The following RAC2 variants were observed in gnomAD, a reference collection of about 807,000 sequenced individuals.
The protein encoded by RAC2 is Rac family small GTPase 2, also known as ras-related C3 botulinum toxin substrate 2.
RAC2 carries 1 observed loss-of-function variant against 24.0 expected under a neutral mutation model. The observed-to-expected ratio is 0.04, with a 90% confidence interval of 0.01 to 0.20. The LOEUF (loss-of-function observed/expected upper bound fraction) is 0.20. Ranked by LOEUF, RAC2 falls within the 10% of genes least tolerant of loss-of-function variation. The probability of loss-of-function intolerance (pLI) is 1.00; values close to 1 mark genes in which losing one functional copy is unlikely to be tolerated. For missense variants in RAC2, 130 were observed against 259.1 expected, an observed-to-expected ratio of 0.50 and a Z score of 3.42; for synonymous variants, 114 against 106.8, an observed-to-expected ratio of 1.07 and a Z score of -0.41.
In RAC2 at chr22:37,231,968, G is replaced by A. The variant is rs2230919; in HGVS notation, c.252C>T (p.Leu84=). 4.3e-3 allele frequency: 6,624 copies of A among 1,552,320 alleles called. 123 individuals are homozygous for A. The African/African-American group carries it at 0.061, about 14-fold the overall frequency. The part of the protein sequence containing the change: ...QTDVFLICFS[L]VSPASYENVR... ...CGTTCTCATAAGAGGCTGGGCTGAC[G>A]AGGGAGAAGCAGATGAGGAAGACGT... The change falls in exon 4 of 7, where the codon CTC becomes CTT. Residue 84 remains leucine, a synonymous_variant. Coordinates refer to ENST00000249071, the MANE Select transcript of RAC2 (RefSeq NM_002872.5). This position sits in a 1 kb window ranked among gnomAD's most constrained non-coding sequence, Gnocchi z 5.5.
Position 37,226,765 on chromosome 22 carries a change from T to G in RAC2, c.487A>C (p.Arg163=). 1 of 1,613,086 alleles carries G rather than the reference T, an allele frequency of 6.2e-7. No homozygotes were observed. Among genetic ancestry groups the G allele is most frequent in the Non-Finnish European group, 8.5e-7 (1 of 1,179,572 alleles). ...TCGTCGAACACGGTTTTCAGGCCTCTCTGGGTGAGAGCTGAGCACTCCAGG... is the reference window on the plus strand; with the variant it reads ...TCGTCGAACACGGTTTTCAGGCCTCGCTGGGTGAGAGCTGAGCACTCCAGG... The part of the protein sequence containing the change: ...KYLECSALTQ[R]GLKTVFDEAI... The change falls in exon 6 of 7, where the codon AGA becomes CGA. Residue 163 remains arginine (R), a synonymous_variant. Transcript: ENST00000249071.
chr22:37,241,492 C>T (rs992321923), intron 2 of RAC2, 95 bp downstream of exon 2: 3 of 1,322,844 alleles, frequency 2.3e-6, no homozygotes, highest in African/African-American at 1.5e-5. Context: ...GGTGCCCACA[C>T]AGGGTCTGGC....
At chr22:37,236,589 T>C (rs1927229601) in intron 2 of RAC2, among the ~76,000 whole-genome samples, 1 of 152,068 alleles carries the variant, frequency 6.6e-6, no homozygotes, top group Non-Finnish European at 1.5e-5. Context: ...GCAGAGACCA[T>C]GTTTTCATCT....
At chr22:37,235,886 A>G (rs1275139469) in intron 2 of RAC2, among the ~76,000 whole-genome samples, 1 of 152,176 alleles carries the variant, frequency 6.6e-6, no homozygotes, top group Non-Finnish European at 1.5e-5. Context: ...GAGAAGCAAC[A>G]GCCACCTTCT....
At chr22:37,227,529 C>T (rs187673231) in intron 5 of RAC2, among the ~76,000 whole-genome samples, 6 of 76,506 alleles carry the variant, frequency 7.8e-5, no homozygotes, top group East Asian at 8.2e-4. Flanking sequence ...CCCTCCCACG[C>T]CATACACCCC....
chr22:37,240,820 A>C, intron 2 of RAC2: 2 of 573,700 alleles, frequency 3.5e-6, no homozygotes, highest in South Asian at 4.4e-5. Flanking sequence ...TGTGGGGAGA[A>C]AAAGCACTAT....
At position 37,244,211 on chromosome 22, in the gene RAC2, G is replaced by A. The variant is rs1276066671; in HGVS notation, c.-63C>T. ...CAGGGCCAGGCGCGTTTCTGCGGGC[G>A]CAAGGGGTGTGGAGGCTGGTGAGGC... is the stretch of plus-strand genomic sequence containing the variant. On this transcript the variant is annotated 5_prime_UTR_variant, in exon 1 of 7. Coordinates refer to ENST00000249071, the MANE Select transcript of RAC2 (RefSeq NM_002872.5). 14 of 1,595,570 alleles carry A rather than the reference G, an allele frequency of 8.8e-6. No individual in the cohort carries two copies. The highest frequency in any genetic ancestry group is 4.6e-5 in the East Asian group (2 of 43,830).
At chr22:37,240,889 GCGAA>G (rs1927367133) in intron 2 of RAC2, 2 of 629,898 alleles carry the variant, frequency 3.2e-6, no homozygotes, top group Middle Eastern at 6.0e-4. Context: ...GGAGCTTGTG[GCGAA>G]CAGTAGGGTC....
At chr22:37,241,522 G>C in intron 2 of RAC2, 65 bp downstream of exon 2, 3 of 1,511,614 alleles carry the variant, frequency 2.0e-6, no homozygotes, top group Non-Finnish European at 1.8e-6. Flanking sequence ...GTGCCTGAAA[G>C]GGGGGTCGAC....
rs1490079331 is a variant in RAC2 at position 37,231,604 on chromosome 22, G to A, written c.289-214C>T. ...TGCAGGAAGGAGGGGGCGCATGATT[G>A]TAGGAAAGGAGGAGGCGAGGTTTTG... On this transcript the variant is annotated intron_variant, in intron 4 of 6. Coordinates refer to ENST00000249071, the MANE Select transcript of RAC2 (RefSeq NM_002872.5). This position sits in a 1 kb window ranked among gnomAD's most constrained non-coding sequence, Gnocchi z 5.5. 3 of 608,404 alleles carry A rather than the reference G, an allele frequency of 4.9e-6. No individual in the cohort carries two copies. The highest frequency in any genetic ancestry group is 8.7e-6 in the Non-Finnish European group (3 of 343,560). The allele number at this position is 608,404 out of a possible 1,614,324, so 37.7% of individuals were successfully genotyped here. A position where few individuals can be genotyped will look rare whatever the true frequency, so the allele number is the denominator to read the frequency against.
At position 37,231,206 on chromosome 22, in the gene RAC2, G is replaced by C. The variant is rs9610683; in HGVS notation, c.448+25C>G. 613,216 of 1,609,848 alleles carry C rather than the reference G, an allele frequency of 0.38. 118,491 individuals carry two copies. Among genetic ancestry groups the C allele is most frequent in the African/African-American group, 0.51 (37,836 of 74,732 alleles). ...TCAGGGCCTCCCCTGCAGCCAGATC[G>C]CCCCTCTGAGCCCGAGGCCCATACC... On this transcript the variant is annotated intron_variant, in intron 5 of 6. Transcript: ENST00000249071. This position sits in a 1 kb window ranked among gnomAD's most constrained non-coding sequence, Gnocchi z 5.5.
intron 2 of RAC2, chr22:37,241,261 C>A (rs867518651): frequency 1.4e-6 from 1 of 711,116 alleles, no homozygotes; most frequent in Middle Eastern, 3.8e-4. Flanking sequence ...CTCCAGCAGC[C>A]TGCTTCCGCA....
At chr22:37,241,036 G>C (rs769735815) in intron 2 of RAC2, 3 of 718,508 alleles carry the variant, frequency 4.2e-6, no homozygotes, top group South Asian at 3.0e-5. Flanking sequence ...GGACCCCTGA[G>C]GGCTGGCCAG....
chr22:37,236,119 C>G (rs1425778249), intron 2 of RAC2, among the ~76,000 whole-genome samples: 1 of 152,174 alleles, frequency 6.6e-6, no homozygotes, highest in African/African-American at 2.4e-5. Context: ...CTCTGAGCCT[C>G]AATCTCTTTA....
intron 1 of RAC2, among the ~76,000 whole-genome samples, chr22:37,241,936 T>G (rs1373917046): frequency 6.6e-6 from 1 of 152,186 alleles, no homozygotes; most frequent in Admixed American, 6.5e-5. Context: ...CACAGGCTTC[T>G]CCAGGGGCCA....
rs775274909 is a variant in RAC2 at position 37,226,708 on chromosome 22, T to A, written c.544A>T (p.Thr182Ser). The change falls in exon 6 of 7, where the codon ACG (threonine) becomes TCG (serine). Residue 182 changes from threonine to serine, a missense_variant. Physicochemically the swap from Thr to Ser is moderately conservative, Grantham distance 58. Around this residue, in one of 2 missense-constraint regions of RAC2, gnomAD observed 119 missense variants for 192.1 expected, o/e 0.62. Coordinates refer to ENST00000249071, the MANE Select transcript of RAC2 (RefSeq NM_002872.5). The stretch of plus-strand genomic sequence containing the variant: ...CTGCAGGCGCGCTTCTGCTGCCGCG[T>A]GGGCTGAGGGCACAGCACGGCCCGG... ...AIRAVLCPQP[T>S]RQQKRACSLL The A allele has an allele frequency of 3.7e-6, 6 of 1,613,098 alleles. No individual in the cohort carries two copies. The highest frequency in any genetic ancestry group is 1.7e-6 in the Non-Finnish European group (2 of 1,179,564).
At chr22:37,232,063 G>C in intron 3 of RAC2, 69 bp from the exon 4 acceptor site, 1 of 1,493,822 alleles carries the variant, frequency 6.7e-7, no homozygotes, top group Non-Finnish European at 9.1e-7. Flanking sequence ...CAGCCACCGA[G>C]AGGTGGAGCT....
At chr22:37,233,773 T>C (rs536233225) in intron 2 of RAC2, among the ~76,000 whole-genome samples, 1 of 152,296 alleles carries the variant, frequency 6.6e-6, no homozygotes, top group Admixed American at 6.5e-5. Context: ...GTCATGGCTG[T>C]GGACTGCTGC....
Position 37,226,828 on chromosome 22 carries a change from G to A in RAC2, c.449-25C>T, listed in dbSNP as rs748915671. 3.7e-6 allele frequency: 6 copies of A among 1,607,864 alleles called. No individual in the cohort carries two copies. The South Asian group carries it at 5.5e-5, about 15-fold the overall frequency. The stretch of plus-strand genomic sequence containing the variant: ...TCTGGTTGGGGAGATGGACAGGAGA[G>A]CCAAGGCCTAAGTGGCGGGGGGGGT... On this transcript the variant is annotated intron_variant, in intron 5 of 6. Transcript: ENST00000249071.
Sources: allele counts gnomAD v4.1 joint callset (sites outside exome capture counted in the v4.1 genomes callset), GRCh38; gene constraint gnomAD v4.1.1; regional missense constraint gnomAD v4.1.1; non-coding constraint Gnocchi (gnomAD v3.1); transcripts MANE v1.5; gene names NCBI Gene and HGNC (gene_info 2026-07-23, HGNC 2026-07-21).